ITGAX: variants seen among roughly 807,000 people sequenced by gnomAD.
ITGAX encodes integrin subunit alpha X.
Under a neutral mutation model 140.2 loss-of-function variants are expected in ITGAX, and 99 were observed. The ratio of observed to expected loss-of-function variants is 0.71; its 90% CI spans 0.60 to 0.83. The LOEUF (loss-of-function observed/expected upper bound fraction) is 0.83, where lower values mean the gene tolerates loss of function less well. Ranked by LOEUF, ITGAX falls within the 40% of genes least tolerant of loss-of-function variation. The pLI is 0.00. For synonymous variants in ITGAX, 631 were observed against 600.4 expected (o/e 1.05, Z -0.75); for missense variants, 1,444 against 1,482.0 (o/e 0.97, Z 0.42).
chr16:31,380,194 T>A (rs575372431), intron 26 of ITGAX, 72 bp from the exon 27 acceptor site: 2 of 1,551,808 alleles, frequency 1.3e-6, no homozygotes, highest in African/African-American at 2.7e-5. Context: ...TGCCCTCAAG[T>A]CACACCGCAT....
Position 31,363,075 on chromosome 16 carries a change from G to A in ITGAX, c.1500G>A (p.Gly500=), listed in dbSNP as rs757324105. Reference sequence around the variant, plus strand: ...TGTCTGTGTGTCCCTTGCCCAGGGGGGTGAGTGGCTGATGGGCCTGGGGTG... The same window carrying A: ...TGTCTGTGTGTCCCTTGCCCAGGGGAGTGAGTGGCTGATGGGCCTGGGGTG... ...GQVSVCPLPR[G]WRRWWCDAVL... The change falls in exon 13 of 30, where the codon GGG becomes GGA. Residue 500 remains glycine (G), a splice_region_variant and synonymous_variant. Transcript: ENST00000268296. 8.1e-6 allele frequency: 13 copies of A among 1,609,716 alleles called. No homozygotes were observed. The South Asian group carries it at 1.3e-4, about 16-fold the overall frequency.
intron 8 of ITGAX, 37 bp downstream of exon 8, chr16:31,360,500 T>C: frequency 6.4e-7 from 1 of 1,566,418 alleles, no homozygotes; most frequent in South Asian, 1.2e-5. Context: ...CTCCCACGGC[T>C]TCCTCTCAGG....
In ITGAX at chr16:31,359,689, T is replaced by C; in HGVS notation, c.431-11T>C. On this transcript the variant is annotated splice_polypyrimidine_tract_variant and intron_variant, in intron 5 of 29. Transcript: ENST00000268296. Reference sequence around the variant, plus strand: ...TGTCACTTGGAGGACCGGTGCCACCTCCTTCCCCAGAGTGCCCAAGACAGG... The same window carrying C: ...TGTCACTTGGAGGACCGGTGCCACCCCCTTCCCCAGAGTGCCCAAGACAGG... 6.2e-7 allele frequency: 1 copy of C among 1,613,546 alleles called. No individual in the cohort carries two copies. Among genetic ancestry groups the C allele is most frequent in the Non-Finnish European group, 8.5e-7 (1 of 1,179,692 alleles).
intron 19 of ITGAX, 115 bp from the exon 20 acceptor site, chr16:31,373,132 AAC>A: frequency 3.1e-6 from 2 of 641,722 alleles, no homozygotes; most frequent in East Asian, 9.4e-5. Context: ...GAAGAAGAAG[AAC>A]CCAGGGGTCC....
Position 31,382,366 on chromosome 16 carries a change from C to T in ITGAX, c.*459C>T, listed in dbSNP as rs1207211692. 1 of 1,402,090 alleles carries T rather than the reference C, an allele frequency of 7.1e-7. No individual in the cohort carries two copies. The highest frequency in any genetic ancestry group is 9.7e-7 in the Non-Finnish European group (1 of 1,026,668). The allele number at this position is 1,402,090 out of a possible 1,614,324, so 86.9% of individuals were successfully genotyped here. ...GTTCAAGTAATTCTGCTGTCTCAGC[C>T]TCCTGAGTAGCTGGGACTACAGGCA... On this transcript the variant is annotated 3_prime_UTR_variant, in exon 30 of 30. Coordinates refer to ENST00000268296, the MANE Select transcript of ITGAX (RefSeq NM_000887.5).
At chr16:31,369,042 A>T (rs2080923970) in intron 14 of ITGAX, among the ~76,000 whole-genome samples, 1 of 152,196 alleles carries the variant, frequency 6.6e-6, no homozygotes, top group South Asian at 2.1e-4. Flanking sequence ...CCGATTTCTC[A>T]ATCTTTTCCC....
intron 3 of ITGAX, 110 bp from the exon 4 acceptor site, chr16:31,356,920 TC>T (rs1309736281): frequency 4.9e-6 from 5 of 1,012,634 alleles, no homozygotes; most frequent in Non-Finnish European, 7.3e-6. Flanking sequence ...CCCGACAGCT[TC>T]CTTCACCGTC....
In ITGAX at chr16:31,355,997, T is replaced by C. The variant is rs2230424; in HGVS notation, c.142T>C (p.Trp48Arg). 195,311 of 1,608,090 alleles carry C rather than the reference T, an allele frequency of 0.12. 13,941 individuals are homozygous for C. Among genetic ancestry groups the C allele is most frequent in the Non-Finnish European group, 0.15 (171,730 of 1,175,328 alleles). Residue 48 changes from tryptophan to arginine, a missense_variant and splice_region_variant, in exon 2 of 30, where the codon TGG becomes CGG. Transcript: ENST00000268296. ...CAGCGTGGTCCAGTATGCCAACTCC[T>C]GGTGAGGCCCAGGTGGTGCTGGCCT... ...GDSVVQYANS[W>R]VVVGAPQKIT...
At chr16:31,373,098 AAAAAAG>A (rs1031436494) in intron 19 of ITGAX, 145 bp from the exon 20 acceptor site, 21 of 705,108 alleles carry the variant, frequency 3.0e-5, no homozygotes, top group African/African-American at 1.1e-4. Context: ...GTCTCTTAAA[AAAAAAG>A]AAGAAGAAGA....
chr16:31,370,841 C>T (rs1447507114), intron 14 of ITGAX, among the ~76,000 whole-genome samples: 3 of 152,156 alleles, frequency 2.0e-5, no homozygotes, highest in Admixed American at 6.5e-5. Context: ...GAACTAGAGA[C>T]TGATCGAATG....
intron 26 of ITGAX, 66 bp from the exon 27 acceptor site, chr16:31,380,200 C>G (rs953331461): frequency 6.4e-6 from 10 of 1,556,240 alleles, no homozygotes; most frequent in Non-Finnish European, 8.8e-6. Flanking sequence ...CAAGTCACAC[C>G]GCATAATGCT....
Position 31,360,343 on chromosome 16 carries a change from T to C in ITGAX, c.741T>C (p.Arg247=), listed in dbSNP as rs1327575581. The C allele has an allele frequency of 6.2e-7, 1 of 1,613,856 alleles. No homozygotes were observed. Among genetic ancestry groups the C allele is most frequent in the Non-Finnish European group, 8.5e-7 (1 of 1,179,902 alleles). The change falls in exon 8 of 30, where the codon CGT becomes CGC. Residue 247 remains arginine, a synonymous_variant. Coordinates refer to ENST00000268296, the MANE Select transcript of ITGAX (RefSeq NM_000887.5). ...TGTTCCATGCCTCATATGGGGCCCGTAGGGATGCCGCCAAAATTCTCATTG... is the reference window on the plus strand; with the variant it reads ...TGTTCCATGCCTCATATGGGGCCCGCAGGGATGCCGCCAAAATTCTCATTG... The part of the protein sequence containing the change: ...HRLFHASYGA[R]RDAAKILIVI...
chr16:31,359,232 G>A (rs1304783387), intron 5 of ITGAX, among the ~76,000 whole-genome samples: 7 of 151,744 alleles, frequency 4.6e-5, no homozygotes, highest in Admixed American at 1.3e-4. Context: ...GCTGTGGTGC[G>A]ATCTCAGCTC....
chr16:31,371,810 G>T (rs189349020), intron 17 of ITGAX, 26 bp downstream of exon 17: 1 of 1,610,582 alleles, frequency 6.2e-7, no homozygotes, highest in South Asian at 1.1e-5. Context: ...AACGTGGGTG[G>T]CGGCCGCGCT....
intron 14 of ITGAX, among the ~76,000 whole-genome samples, chr16:31,367,046 G>T (rs1186709705): frequency 6.6e-6 from 1 of 152,234 alleles, no homozygotes; most frequent in African/African-American, 2.4e-5. Context: ...CTGGATAGAA[G>T]ATCAAACCAG....
Position 31,379,752 on chromosome 16 carries a change from T to A in ITGAX, c.2869-5T>A. The stretch of plus-strand genomic sequence containing the variant: ...TGGGCTCTGCCCTCAGTGCCCTCTG[T>A]GCAGGTCAATAACCTGGGACAGAGG... On this transcript the variant is annotated splice_polypyrimidine_tract_variant and splice_region_variant and intron_variant, in intron 24 of 29. Transcript: ENST00000268296. 6.2e-7 allele frequency: 1 copy of A among 1,612,898 alleles called. No homozygotes were observed. The highest frequency in any genetic ancestry group is 2.2e-5 in the East Asian group (1 of 44,838).
Position 31,359,936 on chromosome 16 carries a change from T to C in ITGAX, c.578T>C (p.Phe193Ser). Residue 193 changes from phenylalanine to serine, a missense_variant, in exon 7 of 30, where the codon TTC (phenylalanine) becomes TCC (serine). Transcript: ENST00000268296. Reference protein sequence around the residue: ...RPSTQFSLMQFSNKFQTHFTF... With the variant: ...RPSTQFSLMQSSNKFQTHFTF... The stretch of plus-strand genomic sequence containing the variant: ...TTCTCCCAGTTTTCCCTGATGCAGT[T>C]CTCCAACAAATTCCAAACACACTTC... 6.2e-7 allele frequency: 1 copy of C among 1,614,034 alleles called. No homozygotes were observed.
chr16:31,371,456 G>T lies in ITGAX; in HGVS notation c.1964G>T (p.Cys655Phe), dbSNP rs145504543. Reference protein sequence around the residue: ...SEQTLVQSNICLYIDKRSKNL... With the variant: ...SEQTLVQSNIFLYIDKRSKNL... ...CAGACCCTGGTACAGTCCAACATCT[G>T]CCTTTACATTGACAAACGTTCTAAG... Residue 655 changes from cysteine to phenylalanine, a missense_variant, in exon 16 of 30, where the codon TGC becomes TTC. Transcript: ENST00000268296. 7.4e-6 allele frequency: 12 copies of T among 1,614,168 alleles called. No individual in the cohort carries two copies. The highest frequency in any genetic ancestry group is 1.0e-5 in the Non-Finnish European group (12 of 1,180,022).
chr16:31,361,482 G>A (rs945771198), intron 9 of ITGAX: 1 of 668,028 alleles, frequency 1.5e-6, no homozygotes, highest in Admixed American at 2.5e-5. Flanking sequence ...AGCAGTGCCA[G>A]GCCCAACCCA....
Sources: gnomAD v4.1 joint callset for allele counts (sites outside exome capture counted in the v4.1 genomes callset) on GRCh38, gnomAD v4.1.1 for gene constraint, MANE v1.5 for transcripts, NCBI Gene and HGNC (gene_info 2026-07-23, HGNC 2026-07-21) for gene names.